SLAMF9: variants seen among roughly 807,000 people sequenced by gnomAD.
SLAMF9 encodes the protein CD2 family member 10.
SLAMF9 carries 25 observed loss-of-function variants against 30.4 expected under a neutral mutation model. The ratio of observed to expected loss-of-function variants is 0.82; its 90% CI spans 0.60 to 1.15. The LOEUF (loss-of-function observed/expected upper bound fraction) is 1.15. Among genes scored for constraint, SLAMF9 ranks in the 50% most tolerant of loss-of-function variants. The pLI, the probability that SLAMF9 is intolerant of heterozygous loss-of-function variation, is 0.00. For synonymous variants in SLAMF9, 129 were observed against 127.2 expected (o/e 1.01, Z -0.09); for missense variants, 344 against 346.1 (o/e 0.99, Z 0.05).
At chr1:159,981,814 A>T in the SLAMF9 span, among the ~76,000 whole-genome samples, 1 of 152,246 alleles carries the variant, frequency 6.6e-6, no homozygotes, top group Non-Finnish European at 1.5e-5. Context: ...ACTGTGCCTG[A>T]TGTGAGGCCT....
the SLAMF9 span, among the ~76,000 whole-genome samples, chr1:159,971,025 G>A: frequency 6.6e-6 from 1 of 152,146 alleles, no homozygotes; most frequent in Non-Finnish European, 1.5e-5. Context: ...TTTCCAACCA[G>A]GAAAACTCGC....
chr1:159,968,424 G>A, the SLAMF9 span, among the ~76,000 whole-genome samples: 1 of 152,034 alleles, frequency 6.6e-6, no homozygotes, highest in Non-Finnish European at 1.5e-5. Context: ...TTTTCTCAGG[G>A]CTACTCACTC....
At chr1:159,962,936 C>T in the SLAMF9 span, among the ~76,000 whole-genome samples, 6 of 152,134 alleles carry the variant, frequency 3.9e-5, no homozygotes, top group Non-Finnish European at 8.8e-5. Flanking sequence ...CAAAATCTTA[C>T]TAAAGGAATC....
At chr1:159,962,448 C>T in the SLAMF9 span, among the ~76,000 whole-genome samples, 3 of 152,018 alleles carry the variant, frequency 2.0e-5, no homozygotes, top group Non-Finnish European at 2.9e-5. Context: ...TAAATGCTGA[C>T]GAGCAGATCC....
chr1:159,966,741 C>T, the SLAMF9 span, among the ~76,000 whole-genome samples: 2 of 152,046 alleles, frequency 1.3e-5, no homozygotes, highest in East Asian at 1.9e-4. Flanking sequence ...TTTAATGAAC[C>T]TGTTAGCCAT....
At chr1:159,972,719 G>T in the SLAMF9 span, 1 of 266,750 alleles carries the variant, frequency 3.7e-6, no homozygotes, top group Non-Finnish European at 7.0e-6. Context: ...CTCCATTGAG[G>T]TAGAACAAGT....
chr1:159,977,627 C>T, the SLAMF9 span, among the ~76,000 whole-genome samples: 341 of 152,272 alleles, frequency 2.2e-3, no homozygotes, highest in African/African-American at 7.2e-3. Context: ...CAAAGAAAAG[C>T]GGAACGTGAC....
the SLAMF9 span, among the ~76,000 whole-genome samples, chr1:159,970,009 G>A: frequency 4.5e-4 from 69 of 152,242 alleles, no homozygotes; most frequent in Admixed American, 9.8e-4. Context: ...GCAGTGAGCC[G>A]TGATCGCACC....
At chr1:159,960,749 C>T in the SLAMF9 span, among the ~76,000 whole-genome samples, 2 of 152,156 alleles carry the variant, frequency 1.3e-5, no homozygotes, top group African/African-American at 4.8e-5. Context: ...TCACTGCCCC[C>T]GGCCACTTCC....
chr1:159,976,952 G>GAA, the SLAMF9 span: 3 of 5,792 alleles, frequency 5.2e-4, no homozygotes, highest in Non-Finnish European at 9.9e-4. Flanking sequence ...AAGAAAGAAA[G>GAA]AAAGAAAGAG....
chr1:159,968,979 T>A, the SLAMF9 span, among the ~76,000 whole-genome samples: 1 of 151,748 alleles, frequency 6.6e-6, no homozygotes, highest in Non-Finnish European at 1.5e-5. Context: ...GTTGTAGAGG[T>A]TGCAGTGAGC....
At chr1:159,980,875 C>G in the SLAMF9 span, among the ~76,000 whole-genome samples, 1 of 152,242 alleles carries the variant, frequency 6.6e-6, no homozygotes, top group Non-Finnish European at 1.5e-5. Flanking sequence ...TTTCCCTGCT[C>G]TCTTCCATCA....
upstream of SLAMF9, among the ~76,000 whole-genome samples, chr1:159,957,154 A>AG (rs60943567): frequency 8.2e-5 from 12 of 147,100 alleles, no homozygotes; most frequent in Non-Finnish European, 1.7e-4. Context: ...AAAAAAAAAA[A>AG]GATTGAACTA....
chr1:159,962,917 G>C, the SLAMF9 span, among the ~76,000 whole-genome samples: 1 of 152,106 alleles, frequency 6.6e-6, no homozygotes, highest in Non-Finnish European at 1.5e-5. Context: ...GGTTACCCTA[G>C]AGCAGAAGCA....
chr1:159,951,939 C>G (rs1651759616), intron 3 of SLAMF9, 73 bp from the exon 4 acceptor site: 1 of 1,329,308 alleles, frequency 7.5e-7, no homozygotes, highest in Middle Eastern at 2.0e-4. Context: ...GACTCCTACC[C>G]AAATTTCATG....
rs1157877606 is a variant in SLAMF9 at position 159,953,796 on chromosome 1, T to C, written c.47-143A>G. 9 of 791,120 alleles carry C rather than the reference T, an allele frequency of 1.1e-5. No individual in the cohort carries two copies. The South Asian group carries it at 1.5e-4, about 13-fold the overall frequency. 49.0% of individuals were successfully genotyped at this position (791,120 alleles called of 1,614,324 possible). A position where few individuals can be genotyped will look rare whatever the true frequency, so the allele number is the denominator to read the frequency against. On this transcript the variant is annotated intron_variant, in intron 1 of 3. Transcript: ENST00000368093. ...CTAAATCCTGTTCTCCAGCTGCTGC[T>C]TCTGACTCTAGATTTCCCCTTTCCC...
chr1:159,973,745 G>A, the SLAMF9 span: 116 of 1,527,940 alleles, frequency 7.6e-5, no homozygotes, highest in Non-Finnish European at 9.2e-5. Flanking sequence ...CTCTAGAGAC[G>A]GGACCCCTGA....
At chr1:159,977,847 C>T in the SLAMF9 span, among the ~76,000 whole-genome samples, 1 of 152,116 alleles carries the variant, frequency 6.6e-6, no homozygotes, top group South Asian at 2.1e-4. Flanking sequence ...TGAACATAGG[C>T]GTACTCATGG....
chr1:159,969,267 A>G, the SLAMF9 span, among the ~76,000 whole-genome samples: 2 of 131,216 alleles, frequency 1.5e-5, no homozygotes, highest in Admixed American at 7.7e-5. Flanking sequence ...CCTGGGGGGG[A>G]TGGATAAGGG....
Sources: gnomAD v4.1 joint callset for allele counts (sites outside exome capture counted in the v4.1 genomes callset) on GRCh38, gnomAD v4.1.1 for gene constraint, MANE v1.5 for transcripts, NCBI Gene and HGNC (gene_info 2026-07-23, HGNC 2026-07-21) for gene names.